MAP6: variants seen among roughly 807,000 people sequenced by gnomAD.
The protein encoded by MAP6 is microtubule-associated protein 6.
In MAP6, 26 loss-of-function variants were observed where a neutral mutation model predicts 42.4. The ratio of observed to expected loss-of-function variants is 0.61; its 90% CI spans 0.45 to 0.85. MAP6 has a LOEUF of 0.85. Among genes scored for constraint, MAP6 ranks in the 40% least tolerant of loss-of-function variants. The pLI, the probability that MAP6 is intolerant of heterozygous loss-of-function variation, is 0.00. For missense variants in MAP6, 966 were observed against 1,099.0 expected (o/e 0.88, Z 1.71); for synonymous variants, 418 against 443.8 (o/e 0.94, Z 0.73).
chr11:75,588,117 C>A lies in MAP6; in HGVS notation c.1384G>T (p.Asp462Tyr). The change falls in exon 4 of 4, where the codon GAT becomes TAT. Residue 462 changes from aspartate (D) to tyrosine (Y), a missense_variant. Asp to Tyr is a radical substitution (Grantham distance 160, BLOSUM62 -3). Transcript: ENST00000304771. Reference protein sequence around the residue: ...QGPVATEPDKDQGSVVPGLLK... With the variant: ...QGPVATEPDKYQGSVVPGLLK... Reference sequence around the variant, plus strand: ...AGGCCTGGGACCACAGAACCTTGATCCTTGTCTGGCTCTGTGGCTACAGGA... The same window carrying A: ...AGGCCTGGGACCACAGAACCTTGATACTTGTCTGGCTCTGTGGCTACAGGA... The A allele has an allele frequency of 6.2e-7, 1 of 1,614,068 alleles. No individual in the cohort carries two copies.
chr11:75,626,265 A>T (rs890046124), intron 1 of MAP6, among the ~76,000 whole-genome samples: 1 of 152,212 alleles, frequency 6.6e-6, no homozygotes, highest in African/African-American at 2.4e-5. Flanking sequence ...CATAAGAATC[A>T]TGGAGTAGCA....
intron 3 of MAP6, among the ~76,000 whole-genome samples, chr11:75,590,852 A>T (rs1281237995): frequency 2.0e-5 from 3 of 152,142 alleles, no homozygotes; most frequent in African/African-American, 7.2e-5. Flanking sequence ...CTGTAGTCCC[A>T]GCTACTCAGG....
At chr11:75,657,424 T>G (rs993223172) in intron 1 of MAP6, among the ~76,000 whole-genome samples, 13 of 152,200 alleles carry the variant, frequency 8.5e-5, no homozygotes. Flanking sequence ...GGAGACACTT[T>G]TGATTGCCAC....
intron 1 of MAP6, among the ~76,000 whole-genome samples, chr11:75,626,538 G>A (rs1943199584): frequency 6.6e-6 from 1 of 152,160 alleles, no homozygotes; most frequent in African/African-American, 2.4e-5. Context: ...GCAGATTCAA[G>A]TATGTTTTAT....
chr11:75,636,595 A>C (rs1461175092), intron 1 of MAP6, among the ~76,000 whole-genome samples: 4 of 152,110 alleles, frequency 2.6e-5, no homozygotes, highest in Non-Finnish European at 4.4e-5. Context: ...GGTACCTTTT[A>C]TATGCAAACC....
At chr11:75,658,397 C>CG (rs113084902) in intron 1 of MAP6, among the ~76,000 whole-genome samples, 15 of 100,452 alleles carry the variant, frequency 1.5e-4, no homozygotes, top group Admixed American at 3.0e-4. Context: ...CATTTCTCCA[C>CG]CCCCCCCGCC....
chr11:75,616,765 T>C (rs1943001140), intron 1 of MAP6, among the ~76,000 whole-genome samples: 1 of 152,348 alleles, frequency 6.6e-6, no homozygotes, highest in Non-Finnish European at 1.5e-5. Context: ...AGCTCTCAGT[T>C]TCTTTTGTGT....
rs539655159 is a variant in MAP6 at position 75,590,269 on chromosome 11, G to T, written c.1317-2085C>A. ...ATTCTCTTAGATTGTGAAGCGACCT[G>T]GGTGGTGTCCTCCCAACAGGGTGAG... On this transcript the variant is annotated intron_variant, in intron 3 of 3. Transcript: ENST00000304771. Among the ~76,000 whole-genome samples the T allele has an allele frequency of 1.9e-4, 29 of 152,308 alleles. No homozygotes were observed. In the South Asian group the frequency reaches 5.8e-3, roughly 30 times the overall value.
chr11:75,656,851 T>C (rs550756241), intron 1 of MAP6, among the ~76,000 whole-genome samples: 1 of 152,332 alleles, frequency 6.6e-6, no homozygotes, highest in South Asian at 2.1e-4. Flanking sequence ...TCTCAATTGT[T>C]TGTGTGTATA....
chr11:75,642,022 T>C (rs1005073559), intron 1 of MAP6, among the ~76,000 whole-genome samples: 4 of 152,356 alleles, frequency 2.6e-5, no homozygotes, highest in South Asian at 2.1e-4. Flanking sequence ...TATATAAATA[T>C]ACAATTAAAT....
At chr11:75,612,567 C>T (rs1159776361) in intron 1 of MAP6, among the ~76,000 whole-genome samples, 2 of 152,168 alleles carry the variant, frequency 1.3e-5, no homozygotes, top group Non-Finnish European at 2.9e-5. Context: ...AGCAGGTGAA[C>T]TGATCAGGGT....
At chr11:75,589,302 A>T (rs1401793858) in intron 3 of MAP6, among the ~76,000 whole-genome samples, 1 of 151,964 alleles carries the variant, frequency 6.6e-6, no homozygotes, top group Non-Finnish European at 1.5e-5. Context: ...CAACACTAAC[A>T]CTCAAAGGCA....
At chr11:75,610,368 A>C (rs956570702) in intron 1 of MAP6, among the ~76,000 whole-genome samples, 1 of 152,164 alleles carries the variant, frequency 6.6e-6, no homozygotes, top group Non-Finnish European at 1.5e-5. Flanking sequence ...TCACCCATTC[A>C]TTCAGTCATT....
chr11:75,653,241 C>A (rs1943679559), intron 1 of MAP6, among the ~76,000 whole-genome samples: 1 of 152,120 alleles, frequency 6.6e-6, no homozygotes, highest in African/African-American at 2.4e-5. Flanking sequence ...AGGACAAGGC[C>A]CAGGCTCTGT....
chr11:75,642,846 C>A (rs80339693), intron 1 of MAP6: 20,596 of 477,690 alleles, frequency 0.043, 586 homozygotes, highest in South Asian at 0.055. Flanking sequence ...TATAAAGGAA[C>A]AACACACCTA....
Position 75,667,733 on chromosome 11 carries a change from G to A in MAP6, c.637C>T (p.Arg213Trp), listed in dbSNP as rs1199105878. ...CCGCCGGGGGCCGCCTCCTGCTCCCGGGCCTCAGCGGCGGCCTGCACTGGC... is the reference window on the plus strand; with the variant it reads ...CCGCCGGGGGCCGCCTCCTGCTCCCAGGCCTCAGCGGCGGCCTGCACTGGC... ...RWPVQAAAEA[R>W]EQEAAPGGAG... Residue 213 changes from arginine to tryptophan, a missense_variant, in exon 1 of 4, where the codon CGG (arginine) becomes TGG (tryptophan). By Grantham distance (101) the Arg-to-Trp change is moderately radical. Coordinates refer to ENST00000304771, the MANE Select transcript of MAP6 (RefSeq NM_033063.2). This position sits in a 1 kb window ranked among gnomAD's most constrained non-coding sequence, Gnocchi z 5.6. 5 of 1,300,818 alleles carry A rather than the reference G, an allele frequency of 3.8e-6. No individual in the cohort carries two copies. The highest frequency in any genetic ancestry group is 3.1e-5 in the African/African-American group (2 of 64,672). 80.6% of individuals were successfully genotyped at this position (1,300,818 alleles called of 1,614,324 possible).
At chr11:75,649,168 T>C (rs1222538925) in intron 1 of MAP6, among the ~76,000 whole-genome samples, 1 of 152,072 alleles carries the variant, frequency 6.6e-6, no homozygotes, top group African/African-American at 2.4e-5. Flanking sequence ...AAATAATATG[T>C]GATATTGTCA....
chr11:75,648,422 T>A (rs1285569553), intron 1 of MAP6, among the ~76,000 whole-genome samples: 1 of 152,120 alleles, frequency 6.6e-6, no homozygotes, highest in Non-Finnish European at 1.5e-5. Context: ...TGCTTGACCC[T>A]GGAAGGTCGA....
rs545676388 is a variant in MAP6, at chr11:75,659,397, G to A, written c.905+8068C>T. Reference sequence around the variant, plus strand: ...CTCGGAAGGCTGAGGCAGGAGAATCGCGTGAACCCGGGAGGCAGAGGTTGC... The same window carrying A: ...CTCGGAAGGCTGAGGCAGGAGAATCACGTGAACCCGGGAGGCAGAGGTTGC... On this transcript the variant is annotated intron_variant, in intron 1 of 3. Coordinates refer to ENST00000304771, the MANE Select transcript of MAP6 (RefSeq NM_033063.2). Among the ~76,000 whole-genome samples the A allele has an allele frequency of 5.3e-5, 8 of 152,282 alleles. No homozygotes were observed. The East Asian group carries it at 1.2e-3, about 22-fold the overall frequency.
Sources: gnomAD v4.1 joint callset for allele counts (sites outside exome capture counted in the v4.1 genomes callset) on GRCh38, gnomAD v4.1.1 for gene constraint, Gnocchi (gnomAD v3.1) non-coding constraint, MANE v1.5 for transcripts, NCBI Gene and HGNC (gene_info 2026-07-23, HGNC 2026-07-21) for gene names.